The following CNBD1 variants were observed in gnomAD, a reference collection of about 807,000 sequenced individuals.
The protein encoded by CNBD1 is cyclic nucleotide-binding domain-containing protein 1.
In CNBD1, 71 loss-of-function variants were observed where a neutral mutation model predicts 54.4. The observed-to-expected ratio is 1.30, with a 90% CI of 1.08 to 1.59. The LOEUF (loss-of-function observed/expected upper bound fraction) is 1.59. CNBD1 is among the 40% of genes most tolerant of loss of function. CNBD1 has a pLI of 0.00. For synonymous variants in CNBD1, 182 were observed against 170.7 expected, an observed-to-expected ratio of 1.07 and a Z score of -0.51; for missense variants, 659 against 518.0, an observed-to-expected ratio of 1.27 and a Z score of -2.64.
chr8:87,010,661 C>G (rs998122748), intron 4 of CNBD1, among the ~76,000 whole-genome samples: 1 of 152,068 alleles, frequency 6.6e-6, no homozygotes, highest in African/African-American at 2.4e-5. Flanking sequence ...AGGAGAATTG[C>G]TTGAACCTGG....
At chr8:86,963,109 G>A (rs1807974925) in intron 4 of CNBD1, among the ~76,000 whole-genome samples, 1 of 152,082 alleles carries the variant, frequency 6.6e-6, no homozygotes, top group Non-Finnish European at 1.5e-5. Context: ...GGGAGAAAAG[G>A]CATCCCTCTT....
chr8:87,414,573 T>A (rs2130987892), intron 2 of CNBD1, among the ~76,000 whole-genome samples: 1 of 151,826 alleles, frequency 6.6e-6, no homozygotes, highest in East Asian at 1.9e-4. Flanking sequence ...GGGTGGAAGG[T>A]TAAGAAAGTA....
chr8:87,094,443 G>T (rs1447937323), intron 4 of CNBD1, among the ~76,000 whole-genome samples: 3 of 144,876 alleles, frequency 2.1e-5, no homozygotes. Flanking sequence ...TTTCTTTAAT[G>T]CTTTTTTTTT....
intron 4 of CNBD1, among the ~76,000 whole-genome samples, chr8:87,194,796 G>A (rs1451230697): frequency 2.0e-5 from 3 of 151,756 alleles, no homozygotes; most frequent in Non-Finnish European, 4.4e-5. Context: ...TTTTGTGTAT[G>A]TGTGTTTTGT....
At chr8:86,954,352 G>T (rs1436135012) in intron 4 of CNBD1, among the ~76,000 whole-genome samples, 1 of 152,190 alleles carries the variant, frequency 6.6e-6, no homozygotes, top group Non-Finnish European at 1.5e-5. Flanking sequence ...TTGTTAAAGA[G>T]CATATTAGTT....
chr8:87,407,823 C>T lies in CNBD1; in HGVS notation c.214-20723C>T, dbSNP rs115923500. ...TTGAATAAGTGCCTACTTATTTACT[C>T]ATTTGAATAATGACTGCTTTGTATT... On this transcript the variant is annotated intron_variant, in intron 2 of 7. Transcript: ENST00000521593. 6.3e-3 allele frequency among the ~76,000 whole-genome samples: 962 copies of T among 152,072 alleles called. 9 individuals carry two copies. Among genetic ancestry groups the T allele is most frequent in the African/African-American group, 0.022 (902 of 41,548 alleles).
At chr8:87,397,998 G>T (rs1811439867) in intron 2 of CNBD1, among the ~76,000 whole-genome samples, 1 of 151,874 alleles carries the variant, frequency 6.6e-6, no homozygotes, top group South Asian at 2.1e-4. Flanking sequence ...CAGCCATGTG[G>T]AACTGTAAGT....
At chr8:87,424,319 T>C (rs1808004007) in intron 2 of CNBD1, among the ~76,000 whole-genome samples, 1 of 152,102 alleles carries the variant, frequency 6.6e-6, no homozygotes, top group Non-Finnish European at 1.5e-5. Flanking sequence ...TTCTGCTAGC[T>C]TTTGAATGTG....
chr8:87,005,798 T>G (rs1170527846), intron 4 of CNBD1, among the ~76,000 whole-genome samples: 1 of 152,034 alleles, frequency 6.6e-6, no homozygotes, highest in Non-Finnish European at 1.5e-5. Flanking sequence ...TGAGGGCCTG[T>G]GTGATTACGC....
intron 3 of CNBD1, among the ~76,000 whole-genome samples, chr8:86,910,283 C>A (rs796862324): frequency 6.6e-6 from 1 of 152,180 alleles, no homozygotes; most frequent in Admixed American, 6.5e-5. Context: ...TACTTCTCAT[C>A]CCTGCTCATA....
intron 4 of CNBD1, among the ~76,000 whole-genome samples, chr8:87,173,680 G>A (rs1310200471): frequency 7.2e-6 from 1 of 139,298 alleles, no homozygotes; most frequent in African/African-American, 2.7e-5. Flanking sequence ...TTTTTTCGTT[G>A]CTTTTAGTAT....
chr8:86,994,364 T>C (rs1306620656), intron 4 of CNBD1, among the ~76,000 whole-genome samples: 1 of 152,206 alleles, frequency 6.6e-6, no homozygotes, highest in African/African-American at 2.4e-5. Flanking sequence ...CAGGAGGGCC[T>C]ATAGAACAGA....
At chr8:87,190,915 A>G (rs1446506462) in intron 4 of CNBD1, among the ~76,000 whole-genome samples, 1 of 146,374 alleles carries the variant, frequency 6.8e-6, no homozygotes, top group African/African-American at 2.5e-5. Context: ...AGGTACATGT[A>G]TCTATATCTA....
At chr8:87,355,883 A>G (rs113695722) in intron 10 of CNBD1, among the ~76,000 whole-genome samples, 3,675 of 152,194 alleles carry the variant, frequency 0.024, 151 homozygotes, top group African/African-American at 0.081. Context: ...TGGGTCAAGG[A>G]GATGGATCCT....
intron 8 of CNBD1, among the ~76,000 whole-genome samples, chr8:87,299,886 G>C (rs1808950023): frequency 6.6e-6 from 1 of 152,144 alleles, no homozygotes; most frequent in South Asian, 2.1e-4. Flanking sequence ...TATATGCAGT[G>C]ATCTTCCATC....
intron 2 of CNBD1, among the ~76,000 whole-genome samples, chr8:87,408,769 T>C (rs1176566431): frequency 6.6e-6 from 1 of 152,158 alleles, no homozygotes; most frequent in Non-Finnish European, 1.5e-5. Context: ...TAGCTCAAAC[T>C]TCTCATTATT....
intron 8 of CNBD1, among the ~76,000 whole-genome samples, chr8:87,338,525 C>T (rs907685175): frequency 2.0e-5 from 3 of 151,238 alleles, no homozygotes; most frequent in Non-Finnish European, 4.4e-5. Flanking sequence ...TTACTCCAAC[C>T]TCTTCTTGTA....
chr8:87,079,015 C>T (rs75875837), intron 4 of CNBD1, among the ~76,000 whole-genome samples: 2,609 of 151,848 alleles, frequency 0.017, 59 homozygotes, highest in African/African-American at 0.049. Flanking sequence ...GCAGTCTATC[C>T]CCCCCTTTTT....
intron 10 of CNBD1, among the ~76,000 whole-genome samples, chr8:87,368,310 G>C (rs1395788023): frequency 6.6e-6 from 1 of 151,998 alleles, no homozygotes; most frequent in Non-Finnish European, 1.5e-5. Context: ...AGTTTTGGAA[G>C]GGCAGACTAG....
Sources: allele counts gnomAD v4.1 joint callset (sites outside exome capture counted in the v4.1 genomes callset), GRCh38; gene constraint gnomAD v4.1.1; transcripts MANE v1.5; gene names NCBI Gene and HGNC (gene_info 2026-07-23, HGNC 2026-07-21).